The following PHKA1 variants were observed in gnomAD, a reference collection of about 807,000 sequenced individuals.
PHKA1 encodes the protein phosphorylase kinase regulatory subunit alpha 1, also known as phosphorylase b kinase regulatory subunit alpha, skeletal muscle isoform.
In PHKA1, 60 loss-of-function variants were observed where a neutral mutation model predicts 110.2. The ratio of observed to expected loss-of-function variants is 0.54; its 90% confidence interval spans 0.44 to 0.68. The LOEUF (loss-of-function observed/expected upper bound fraction) is 0.68. Ranked by LOEUF, PHKA1 falls within the 30% of genes least tolerant of loss-of-function variation. The pLI, the probability that PHKA1 is intolerant of heterozygous loss-of-function variation, is 0.00. For missense variants in PHKA1, 801 were observed against 942.5 expected (o/e 0.85, Z 1.97); for synonymous variants, 316 against 333.6 (o/e 0.95, Z 0.58).
intron 2 of PHKA1, among the ~76,000 whole-genome samples, chrX:72,706,686 A>G (rs918456254): frequency 9.0e-6 from 1 of 111,452 alleles, no homozygotes; most frequent in Non-Finnish European, 1.9e-5. Context: ...AGAACTCAGC[A>G]TTTATACTAT....
intron 29 of PHKA1, among the ~76,000 whole-genome samples, chrX:72,589,625 A>G (rs1388962543): frequency 9.1e-6 from 1 of 110,150 alleles, no homozygotes; most frequent in African/African-American, 3.3e-5. Context: ...TTAGGAAAAG[A>G]GGAAGTCAAA....
At chrX:72,657,475 C>A in intron 9 of PHKA1, 113 bp downstream of exon 9, 1 of 549,228 alleles carries the variant, frequency 1.8e-6, no homozygotes. Context: ...TATCATTATC[C>A]TACTTAGTGA....
At position 72,707,630 on chromosome X, in the gene PHKA1, CGTGTGTGTGT is replaced by C. The variant is rs61504690; in HGVS notation, c.238-2395_238-2386del. Among the ~76,000 whole-genome samples, 714 of 93,645 alleles carry C rather than the reference CGTGTGTGTGT, an allele frequency of 7.6e-3. 7 individuals are homozygous for C. Among genetic ancestry groups the C allele is most frequent in the African/African-American group, 0.026 (681 of 25,745 alleles). 81.3% of individuals were successfully genotyped at this position (93,645 alleles called of 115,157 possible). On this transcript the variant is annotated intron_variant, in intron 2 of 31. Coordinates refer to ENST00000373542, the MANE Select transcript of PHKA1 (RefSeq NM_002637.4). The stretch of plus-strand genomic sequence containing the variant: ...ACTCTCAAAAGGCTTATCAAAAAAT[CGTGTGTGTGT>C]GTGTGTGTGTGTGTGTGTGTGTGTG...
chrX:72,706,298 TA>T (rs2054282329), intron 2 of PHKA1, among the ~76,000 whole-genome samples: 1 of 111,914 alleles, frequency 8.9e-6, no homozygotes, highest in African/African-American at 3.2e-5. Flanking sequence ...GAAGAAATTT[TA>T]AAAAGAGAGA....
chrX:72,623,423 T>C lies in PHKA1; in HGVS notation c.1794-148A>G, dbSNP rs1192140172. Reference sequence around the variant, plus strand: ...ATATAAATTTTATAAAAATAAAATTTTACAGCACTCCTAGGCATGGTGTAC... The same window carrying C: ...ATATAAATTTTATAAAAATAAAATTCTACAGCACTCCTAGGCATGGTGTAC... On this transcript the variant is annotated intron_variant, in intron 17 of 31. Coordinates refer to ENST00000373542, the MANE Select transcript of PHKA1 (RefSeq NM_002637.4). The C allele has an allele frequency of 6.7e-6, 3 of 449,277 alleles. No individual in the cohort carries two copies. In the African/African-American group the frequency reaches 7.4e-5, roughly 11 times the overall value. The allele number at this position is 449,277 out of a possible 1,213,427, so 37.0% of individuals were successfully genotyped here. A position where few individuals can be genotyped will look rare whatever the true frequency, so the allele number is the denominator to read the frequency against.
Position 72,610,413 on chromosome X carries a change from C to T in PHKA1, c.2526+615G>A, listed in dbSNP as rs1398805226. On this transcript the variant is annotated intron_variant, in intron 22 of 31. Transcript: ENST00000373542. ...CTGGGTTATTTCACCTAACATAGTG[C>T]CCTCCAGTTCCATTCATGTTACTGT... 5.4e-5 allele frequency among the ~76,000 whole-genome samples: 6 copies of T among 111,641 alleles called. No homozygotes were observed. In the Admixed American group the frequency reaches 5.7e-4, roughly 11 times the overall value.
intron 3 of PHKA1, among the ~76,000 whole-genome samples, chrX:72,698,251 T>A (rs1241686108): frequency 1.8e-5 from 2 of 111,314 alleles, no homozygotes; most frequent in African/African-American, 6.5e-5. Context: ...TTATATGTAA[T>A]TATGTGTTGT....
intron 21 of PHKA1, among the ~76,000 whole-genome samples, chrX:72,614,469 A>G (rs2052861786): frequency 8.9e-6 from 1 of 112,049 alleles, no homozygotes; most frequent in African/African-American, 3.2e-5. Context: ...TTTTACTATT[A>G]CAGATTGGAG....
chrX:72,682,271 C>G (rs1436448445), intron 5 of PHKA1, among the ~76,000 whole-genome samples: 685 of 95,594 alleles, frequency 7.2e-3, no homozygotes, highest in African/African-American at 0.026. Context: ...CCAGCCGCCC[C>G]GTCCGGGAGG....
At chrX:72,616,917 A>T (rs1287172366) in intron 21 of PHKA1, among the ~76,000 whole-genome samples, 1 of 112,229 alleles carries the variant, frequency 8.9e-6, no homozygotes, top group Non-Finnish European at 1.9e-5. Context: ...GTCACTGAAC[A>T]AATTAAGAAG....
chrX:72,655,571 C>T (rs1480785725), intron 10 of PHKA1, among the ~76,000 whole-genome samples: 1 of 112,434 alleles, frequency 8.9e-6, no homozygotes, highest in Non-Finnish European at 1.9e-5. Flanking sequence ...TATAGAGAAA[C>T]TGAAGAAGTC....
intron 14 of PHKA1, among the ~76,000 whole-genome samples, chrX:72,638,369 C>G (rs4825957): frequency 0.09 from 8,302 of 91,806 alleles, 932 homozygotes; most frequent in East Asian, 0.68. Flanking sequence ...GTGAGAGCTT[C>G]TCTCAAAAAA....
At chrX:72,679,460 C>T (rs1556313207) in intron 5 of PHKA1, among the ~76,000 whole-genome samples, 1 of 109,423 alleles carries the variant, frequency 9.1e-6, no homozygotes, top group South Asian at 4.0e-4. Flanking sequence ...GAAAATATAG[C>T]CCATAATGAG....
intron 4 of PHKA1, among the ~76,000 whole-genome samples, chrX:72,687,688 TA>T (rs1334705880): frequency 6.3e-5 from 7 of 111,083 alleles, no homozygotes; most frequent in African/African-American, 2.0e-4. Flanking sequence ...CATTAAACTT[TA>T]AAAAAAACTT....
chrX:72,683,187 T>C (rs1455969951), intron 5 of PHKA1, among the ~76,000 whole-genome samples: 1 of 112,181 alleles, frequency 8.9e-6, no homozygotes, highest in Non-Finnish European at 1.9e-5. Context: ...CCTGTAATCC[T>C]AGCACTTTGA....
intron 8 of PHKA1, among the ~76,000 whole-genome samples, chrX:72,660,212 T>C (rs2053543493): frequency 8.9e-6 from 1 of 111,891 alleles, no homozygotes; most frequent in Non-Finnish European, 1.9e-5. Context: ...TCCTTAGCTT[T>C]TGACAAACAT....
intron 5 of PHKA1, among the ~76,000 whole-genome samples, chrX:72,679,525 G>A (rs2053817892): frequency 9.1e-6 from 1 of 110,251 alleles, no homozygotes; most frequent in South Asian, 3.9e-4. Flanking sequence ...AGAATACTCA[G>A]ACAAGGACAT....
At chrX:72,622,528 A>G in intron 18 of PHKA1, 1 of 753,653 alleles carries the variant, frequency 1.3e-6, no homozygotes, top group South Asian at 6.8e-5. Context: ...GTCACTTTCA[A>G]TGCATGCCCC....
chrX:72,596,567 A>G (rs2052592395), intron 28 of PHKA1, among the ~76,000 whole-genome samples: 1 of 112,163 alleles, frequency 8.9e-6, no homozygotes, highest in Admixed American at 9.5e-5. Flanking sequence ...CAAAATATGT[A>G]GGAATAAATT....
Sources: gnomAD v4.1 joint callset for allele counts (sites outside exome capture counted in the v4.1 genomes callset) on GRCh38, gnomAD v4.1.1 for gene constraint, MANE v1.5 for transcripts, NCBI Gene and HGNC (gene_info 2026-07-23, HGNC 2026-07-21) for gene names.